The following METTL15 variants were observed in gnomAD, a reference collection of about 807,000 sequenced individuals.
METTL15 encodes methyltransferase 15, mitochondrial 12S rRNA N4-cytidine.
In METTL15, 34 loss-of-function variants were observed where a neutral mutation model predicts 38.3. The observed-to-expected ratio is 0.89, with a 90% CI of 0.68 to 1.18. METTL15 has a LOEUF of 1.18. METTL15 is among the 50% of genes most tolerant of loss of function. METTL15 has a pLI of 0.00. For synonymous variants in METTL15, 162 were observed against 170.9 expected, an observed-to-expected ratio of 0.95 and a Z score of 0.41; for missense variants, 438 against 498.4, an observed-to-expected ratio of 0.88 and a Z score of 1.15.
intron 5 of METTL15, among the ~76,000 whole-genome samples, chr11:28,414,806 A>C (rs2133415638): frequency 6.6e-6 from 1 of 152,328 alleles, no homozygotes; most frequent in East Asian, 1.9e-4. Flanking sequence ...ATGACTTTTG[A>C]AGTGTTTACT....
chr11:28,177,102 T>A (rs1412631280), intron 3 of METTL15, among the ~76,000 whole-genome samples: 2 of 152,170 alleles, frequency 1.3e-5, no homozygotes, highest in South Asian at 4.1e-4. Flanking sequence ...GTCTTCCACA[T>A]TGTTAATTTA....
intron 6 of METTL15, among the ~76,000 whole-genome samples, chr11:28,449,603 G>T (rs80060075): frequency 6.6e-6 from 1 of 152,050 alleles, no homozygotes; most frequent in Non-Finnish European, 1.5e-5. Flanking sequence ...TTCTCATATA[G>T]AAATGGTATC....
intron 5 of METTL15, among the ~76,000 whole-genome samples, chr11:28,374,143 A>G (rs1850278856): frequency 6.6e-6 from 1 of 152,128 alleles, no homozygotes; most frequent in Non-Finnish European, 1.5e-5. Flanking sequence ...TGACATGGCG[A>G]TGCGGGCTCT....
intron 6 of METTL15, among the ~76,000 whole-genome samples, chr11:28,511,974 C>T (rs558891160): frequency 6.6e-6 from 1 of 152,218 alleles, no homozygotes; most frequent in South Asian, 2.1e-4. Flanking sequence ...CTGAGCTAGA[C>T]ACAAAGGTTC....
chr11:28,376,749 T>C (rs1850317848), intron 5 of METTL15, among the ~76,000 whole-genome samples: 1 of 151,752 alleles, frequency 6.6e-6, no homozygotes, highest in Non-Finnish European at 1.5e-5. Context: ...AGTTTCTTCG[T>C]AGTCTCGATG....
chr11:28,154,856 C>T (rs149741646), intron 3 of METTL15, among the ~76,000 whole-genome samples: 1 of 152,218 alleles, frequency 6.6e-6, no homozygotes, highest in East Asian at 1.9e-4. Flanking sequence ...GAGTATCTCT[C>T]TAATTTATGC....
chr11:28,349,679 G>A (rs1320774121), intron 3 of METTL15, among the ~76,000 whole-genome samples: 1 of 152,030 alleles, frequency 6.6e-6, no homozygotes, highest in Non-Finnish European at 1.5e-5. Context: ...AATCTGCCCA[G>A]TTCTTAGGCA....
chr11:28,385,913 A>T (rs1207207127), intron 5 of METTL15, among the ~76,000 whole-genome samples: 1 of 152,154 alleles, frequency 6.6e-6, no homozygotes, highest in East Asian at 1.9e-4. Flanking sequence ...TTTAAAAGAT[A>T]AAAGCATAAC....
At chr11:28,450,065 AT>A (rs1196947707) in intron 6 of METTL15, among the ~76,000 whole-genome samples, 1 of 152,218 alleles carries the variant, frequency 6.6e-6, no homozygotes, top group African/African-American at 2.4e-5. Context: ...AGAAATGGAA[AT>A]TTTTGTTTGA....
chr11:28,432,877 G>A (rs562426275), intron 6 of METTL15, among the ~76,000 whole-genome samples: 28 of 151,794 alleles, frequency 1.8e-4, no homozygotes, highest in African/African-American at 6.5e-4. Flanking sequence ...TTCTTTCTTA[G>A]CAACAAACTC....
intron 6 of METTL15, among the ~76,000 whole-genome samples, chr11:28,329,379 G>GT (rs1210949517): frequency 1.3e-5 from 2 of 152,052 alleles, no homozygotes; most frequent in Non-Finnish European, 2.9e-5. Flanking sequence ...ATTCATAAAT[G>GT]TAAGTCCTGC....
chr11:28,222,596 C>A (rs1853291975), intron 4 of METTL15, among the ~76,000 whole-genome samples: 1 of 152,188 alleles, frequency 6.6e-6, no homozygotes, highest in African/African-American at 2.4e-5. Context: ...GTGAGATGAA[C>A]CTGGTACCTC....
At chr11:28,376,000 G>A (rs1370315521) in intron 5 of METTL15, among the ~76,000 whole-genome samples, 1 of 152,140 alleles carries the variant, frequency 6.6e-6, no homozygotes, top group Non-Finnish European at 1.5e-5. Context: ...TTAATCCTAA[G>A]TTTTAGTTTG....
At chr11:28,368,399 A>G (rs934320187) in intron 5 of METTL15, among the ~76,000 whole-genome samples, 3 of 152,264 alleles carry the variant, frequency 2.0e-5, no homozygotes, top group African/African-American at 7.2e-5. Context: ...ACATACGAAA[A>G]AAAGCTCATC....
intron 5 of METTL15, among the ~76,000 whole-genome samples, chr11:28,416,925 C>T (rs752505540): frequency 6.6e-6 from 1 of 152,144 alleles, no homozygotes; most frequent in African/African-American, 2.4e-5. Flanking sequence ...CCACAGGAAA[C>T]CCAAACCTCT....
intron 5 of METTL15, among the ~76,000 whole-genome samples, chr11:28,383,970 C>T (rs1221868586): frequency 6.6e-6 from 1 of 151,984 alleles, no homozygotes; most frequent in African/African-American, 2.4e-5. Context: ...ATCCCTCCAC[C>T]CTCAAGTAGG....
At chr11:28,293,046 G>A (rs1590276774) in intron 5 of METTL15, among the ~76,000 whole-genome samples, 1 of 152,100 alleles carries the variant, frequency 6.6e-6, no homozygotes, top group Non-Finnish European at 1.5e-5. Context: ...CTGTGCAGAA[G>A]CTCTTTAGTT....
chr11:28,192,462 G>A (rs1191926389), intron 3 of METTL15, among the ~76,000 whole-genome samples: 1 of 148,226 alleles, frequency 6.7e-6, no homozygotes, highest in Non-Finnish European at 1.5e-5. Context: ...TTACATCTAT[G>A]TTCTGTGAAG....
chr11:28,497,255 T>C (rs577058243), intron 6 of METTL15, among the ~76,000 whole-genome samples: 1 of 152,366 alleles, frequency 6.6e-6, no homozygotes, highest in South Asian at 2.1e-4. Flanking sequence ...TTGCAAATAC[T>C]AGTGTTTGCT....
Sources: allele counts gnomAD v4.1 joint callset (sites outside exome capture counted in the v4.1 genomes callset), GRCh38; gene constraint gnomAD v4.1.1; transcripts MANE v1.5; gene names NCBI Gene and HGNC (gene_info 2026-07-23, HGNC 2026-07-21).